The following RAP1GAP2 variants were observed in gnomAD, a reference collection of about 807,000 sequenced individuals.
RAP1GAP2 encodes the protein RAP1 GTPase activating protein 2.
RAP1GAP2 carries 27 observed loss-of-function variants against 95.0 expected under a neutral mutation model. The observed-to-expected ratio is 0.28, with a 90% CI of 0.21 to 0.39. The LOEUF (loss-of-function observed/expected upper bound fraction) is 0.39. Ranked by LOEUF, RAP1GAP2 falls within the 10% of genes least tolerant of loss-of-function variation. RAP1GAP2 has a pLI of 1.00. For synonymous variants in RAP1GAP2, 373 were observed against 380.9 expected, an observed-to-expected ratio of 0.98 and a Z score of 0.24; for missense variants, 771 against 970.0, an observed-to-expected ratio of 0.79 and a Z score of 2.72.
In RAP1GAP2 at chr17:2,799,194, C is replaced by T. The variant is rs762950666; in HGVS notation, c.45-1321C>T. On this transcript the variant is annotated intron_variant, in intron 1 of 24. Coordinates refer to ENST00000254695, the MANE Select transcript of RAP1GAP2 (RefSeq NM_015085.5). ...TCCTGCTCGGATCTGGGTGTCTGTG[C>T]GTTGAATGGGGGAAGAGGAGGGTCT... is the stretch of plus-strand genomic sequence containing the variant. 9.9e-5 allele frequency among the ~76,000 whole-genome samples: 15 copies of T among 152,216 alleles called. No homozygotes were observed. In the East Asian group the frequency reaches 1.5e-3, roughly 16 times the overall value.
Position 3,016,285 on chromosome 17 carries a change from C to T in RAP1GAP2, c.1495-1776C>T, listed in dbSNP as rs534642534. On this transcript the variant is annotated intron_variant, in intron 17 of 24. Transcript: ENST00000254695. ...TCCCCAGCGCACCCAGTGGATATGCCCTCCTCTGCCACTGGCAAGAGGATA... is the reference window on the plus strand; with the variant it reads ...TCCCCAGCGCACCCAGTGGATATGCTCTCCTCTGCCACTGGCAAGAGGATA... 1.8e-3 allele frequency among the ~76,000 whole-genome samples: 270 copies of T among 152,322 alleles called. 1 individual carries two copies. Among genetic ancestry groups the T allele is most frequent in the African/African-American group, 6.3e-3 (262 of 41,568 alleles).
At chr17:2,996,089 C>T (rs938321220) in intron 13 of RAP1GAP2, among the ~76,000 whole-genome samples, 4 of 152,106 alleles carry the variant, frequency 2.6e-5, no homozygotes, top group African/African-American at 9.7e-5. Context: ...GTCATTTTGT[C>T]CCCCTTCCTG....
At chr17:2,964,334 G>A (rs1349207210) in intron 7 of RAP1GAP2, 1 of 110,770 alleles carries the variant, frequency 9.0e-6, no homozygotes, top group African/African-American at 3.5e-5. Context: ...GGACAGAGGA[G>A]CTGGCGGGGG....
intron 8 of RAP1GAP2, among the ~76,000 whole-genome samples, chr17:2,973,172 T>C (rs1033731845): frequency 3.3e-5 from 5 of 152,058 alleles, no homozygotes; most frequent in African/African-American, 1.2e-4. Context: ...CTAAGAGTCA[T>C]AGGAGAGGTA....
intron 2 of RAP1GAP2, among the ~76,000 whole-genome samples, chr17:2,864,896 C>T (rs1325435491): frequency 6.6e-6 from 1 of 152,184 alleles, no homozygotes. Flanking sequence ...TCAGGAATAA[C>T]GTGAGAAGGG....
chr17:2,865,131 C>T (rs2072570214), intron 2 of RAP1GAP2, among the ~76,000 whole-genome samples: 1 of 152,174 alleles, frequency 6.6e-6, no homozygotes, highest in Non-Finnish European at 1.5e-5. Flanking sequence ...TATGCTTTTT[C>T]TCCCACCACC....
At chr17:2,879,111 G>A (rs2073196531) in intron 2 of RAP1GAP2, among the ~76,000 whole-genome samples, 1 of 94,292 alleles carries the variant, frequency 1.1e-5, no homozygotes, top group East Asian at 2.8e-4. Context: ...CCACCTCCAA[G>A]CCCTTCTTTT....
chr17:3,009,545 C>CT (rs1233957416), intron 17 of RAP1GAP2, among the ~76,000 whole-genome samples: 1 of 152,204 alleles, frequency 6.6e-6, no homozygotes, highest in East Asian at 1.9e-4. Context: ...CACTTCCTGA[C>CT]TTTGTTAAGA....
chr17:2,758,107 G>A (rs2071179718), intron 1 of RAP1GAP2, among the ~76,000 whole-genome samples: 1 of 149,900 alleles, frequency 6.7e-6, no homozygotes, highest in Non-Finnish European at 1.5e-5. Flanking sequence ...CTGACCTCAT[G>A]ATCCGCCCGC....
At chr17:2,806,648 C>T (rs1163891854) in intron 2 of RAP1GAP2, among the ~76,000 whole-genome samples, 3 of 151,466 alleles carry the variant, frequency 2.0e-5, no homozygotes, top group Non-Finnish European at 2.9e-5. Context: ...CCACTTGTCT[C>T]GGCCTCCCAA....
chr17:2,937,589 T>A (rs1161574814), intron 3 of RAP1GAP2, among the ~76,000 whole-genome samples: 1 of 152,306 alleles, frequency 6.6e-6, no homozygotes, highest in Non-Finnish European at 1.5e-5. Flanking sequence ...AGCCTTATCC[T>A]GGGTCCCTTT....
chr17:2,812,665 C>A (rs886222929), intron 2 of RAP1GAP2, among the ~76,000 whole-genome samples: 98 of 152,018 alleles, frequency 6.4e-4, no homozygotes, highest in Admixed American at 5.9e-4. Context: ...AACTTTTCTA[C>A]AATTTGGTTT....
Position 2,797,391 on chromosome 17 carries a change from T to C in RAP1GAP2, c.44+820T>C, listed in dbSNP as rs915010646. Among the ~76,000 whole-genome samples the C allele has an allele frequency of 1.3e-5, 2 of 152,174 alleles. No individual in the cohort carries two copies. The highest frequency in any genetic ancestry group is 4.8e-5 in the African/African-American group (2 of 41,430). On this transcript the variant is annotated intron_variant, in intron 1 of 24. Transcript: ENST00000254695. This position sits in a 1 kb window ranked among gnomAD's most constrained non-coding sequence, Gnocchi z 5.6. ...GTCTCTGGTTCCCAGTGCTGGCAGC[T>C]TCTTCGCAGCTGGGGAACAGAGTCT...
chr17:2,878,687 C>T (rs1286658478), intron 2 of RAP1GAP2, among the ~76,000 whole-genome samples: 3 of 152,204 alleles, frequency 2.0e-5, no homozygotes, highest in Non-Finnish European at 4.4e-5. Context: ...AGCCTGTGGG[C>T]CCATGAGGGA....
rs866454815 is a variant in RAP1GAP2, at chr17:3,036,835, C to T, written c.*3474C>T. 1 of 152,658 alleles carries T rather than the reference C, an allele frequency of 6.6e-6. No individual in the cohort carries two copies. The highest frequency in any genetic ancestry group is 1.5e-5 in the Non-Finnish European group (1 of 68,050). 9.5% of individuals were successfully genotyped at this position (152,658 alleles called of 1,614,324 possible). ...GACAAGAGCCTGTTTCGCTTTCCTC[C>T]CTGACCCTGCCAGGTGCCAACTCAA... On this transcript the variant is annotated 3_prime_UTR_variant, in exon 25 of 25. Transcript: ENST00000254695.
At chr17:2,824,047 C>G (rs1298928069) in intron 2 of RAP1GAP2, among the ~76,000 whole-genome samples, 1 of 149,150 alleles carries the variant, frequency 6.7e-6, no homozygotes, top group African/African-American at 2.5e-5. Flanking sequence ...GGCGTGAACC[C>G]GGGAGGCAGA....
At chr17:2,921,804 C>T (rs1056028533) in intron 3 of RAP1GAP2, among the ~76,000 whole-genome samples, 2 of 152,174 alleles carry the variant, frequency 1.3e-5, no homozygotes, top group African/African-American at 4.8e-5. Flanking sequence ...AGGGGAAGCT[C>T]CTTGCCTGCC....
At chr17:3,028,329 C>T (rs72824842) in intron 22 of RAP1GAP2, among the ~76,000 whole-genome samples, 4,664 of 151,886 alleles carry the variant, frequency 0.031, 115 homozygotes, top group Middle Eastern at 0.051. Flanking sequence ...CAATGTCTGG[C>T]GACATTTTTA....
At chr17:2,843,475 C>T (rs1244758944) in intron 2 of RAP1GAP2, among the ~76,000 whole-genome samples, 4 of 151,708 alleles carry the variant, frequency 2.6e-5, no homozygotes, top group African/African-American at 4.8e-5. Context: ...TTAGTAGAGA[C>T]GGGGTTTCAC....
Sources: gnomAD v4.1 joint callset for allele counts (sites outside exome capture counted in the v4.1 genomes callset) on GRCh38, gnomAD v4.1.1 for gene constraint, Gnocchi (gnomAD v3.1) non-coding constraint, MANE v1.5 for transcripts, NCBI Gene and HGNC (gene_info 2026-07-23, HGNC 2026-07-21) for gene names.